PTPRN2: variants seen among roughly 807,000 people sequenced by gnomAD.
PTPRN2 encodes the protein protein tyrosine phosphatase receptor type N2.
Under a neutral mutation model 118.8 loss-of-function variants are expected in PTPRN2, and 74 were observed. The observed-to-expected ratio is 0.62, with a 90% CI of 0.52 to 0.76. PTPRN2 has a LOEUF of 0.76. PTPRN2 is among the 30% of genes least tolerant of loss of function. The pLI is 0.00. For missense variants in PTPRN2, 1,481 were observed against 1,394.4 expected, an observed-to-expected ratio of 1.06 and a Z score of -0.99; for synonymous variants, 641 against 608.0, an observed-to-expected ratio of 1.05 and a Z score of -0.80.
intron 1 of PTPRN2, among the ~76,000 whole-genome samples, chr7:158,568,491 C>G (rs1332440557): frequency 1.3e-5 from 2 of 150,810 alleles, no homozygotes; most frequent in East Asian, 3.9e-4. Context: ...AGTAGATTTT[C>G]TTTTTTTGAA....
At chr7:158,389,131 G>C (rs576891474) in intron 2 of PTPRN2, among the ~76,000 whole-genome samples, 1 of 152,334 alleles carries the variant, frequency 6.6e-6, no homozygotes, top group East Asian at 1.9e-4. Context: ...AGGGAAACAG[G>C]CGTCCGAAGG....
At chr7:158,402,377 T>C (rs1253038096) in intron 2 of PTPRN2, among the ~76,000 whole-genome samples, 2 of 152,058 alleles carry the variant, frequency 1.3e-5, no homozygotes, top group African/African-American at 2.4e-5. Context: ...GCCTCAGAGC[T>C]TCACCTTGAC....
chr7:157,747,956 TGCAGG>T (rs1801108178), intron 12 of PTPRN2, among the ~76,000 whole-genome samples: 2 of 142,836 alleles, frequency 1.4e-5, no homozygotes, highest in Non-Finnish European at 3.0e-5. Flanking sequence ...GTCCCTGAGC[TGCAGG>T]CTGTTGAGGT....
Position 158,015,476 on chromosome 7 carries a change from A to G in PTPRN2, c.1723+65822T>C, listed in dbSNP as rs1806380624. On this transcript the variant is annotated intron_variant, in intron 11 of 22. Transcript: ENST00000389418. The surrounding 1 kb of genome is among the most constrained non-coding windows in gnomAD (Gnocchi z 4.2). ...TGGTGAGAGAGAGAGAGAGAGGAAG[A>G]GAGGGAGAGAGGGAGAGAGGGAGAT... is the stretch of plus-strand genomic sequence containing the variant. Among the ~76,000 whole-genome samples, 1 of 144,098 alleles carries G rather than the reference A, an allele frequency of 6.9e-6. No homozygotes were observed. Among genetic ancestry groups the G allele is most frequent in the Admixed American group, 7.2e-5 (1 of 13,980 alleles). The allele number at this position is 144,098 out of a possible 152,430, so 94.5% of individuals were successfully genotyped here.
Position 158,340,980 on chromosome 7 carries a change from C to T in PTPRN2, c.164-24048G>A, listed in dbSNP as rs1208895315. 1.4e-4 allele frequency among the ~76,000 whole-genome samples: 11 copies of T among 81,066 alleles called. 2 individuals carry two copies. In the Admixed American group the frequency reaches 1.4e-3, roughly 10 times the overall value. The allele number at this position is 81,066 out of a possible 152,430, so 53.2% of individuals were successfully genotyped here. ...CTGACGCCCGCAGATGTCACTCACACCCACACTCTCACCATAAGAGGTGAA... is the reference window on the plus strand; with the variant it reads ...CTGACGCCCGCAGATGTCACTCACATCCACACTCTCACCATAAGAGGTGAA... On this transcript the variant is annotated intron_variant, in intron 2 of 22. Transcript: ENST00000389418.
Position 158,390,998 on chromosome 7 carries a change from C to A in PTPRN2, c.164-74066G>T, listed in dbSNP as rs1378210174. Among the ~76,000 whole-genome samples, 3 of 152,148 alleles carry A rather than the reference C, an allele frequency of 2.0e-5. No individual in the cohort carries two copies. The East Asian group carries it at 5.8e-4, about 29-fold the overall frequency. On this transcript the variant is annotated intron_variant, in intron 2 of 22. Coordinates refer to ENST00000389418, the MANE Select transcript of PTPRN2 (RefSeq NM_002847.5). Reference sequence around the variant, plus strand: ...CCCTCCTGAAATGGTGTGAAACCCACCCCCACCTCCACTAATTCACCACTT... The same window carrying A: ...CCCTCCTGAAATGGTGTGAAACCCAACCCCACCTCCACTAATTCACCACTT...
chr7:158,182,834 T>C (rs185266347), intron 5 of PTPRN2, among the ~76,000 whole-genome samples: 1 of 152,342 alleles, frequency 6.6e-6, no homozygotes, highest in African/African-American at 2.4e-5. Flanking sequence ...ACTAAGTCCA[T>C]TGTTTCCTTG....
At chr7:158,333,588 TCA>T (rs1804945310) in intron 2 of PTPRN2, among the ~76,000 whole-genome samples, 2 of 149,988 alleles carry the variant, frequency 1.3e-5, no homozygotes, top group African/African-American at 2.5e-5. Flanking sequence ...CCGGCACACG[TCA>T]CACACACCCA....
intron 1 of PTPRN2, among the ~76,000 whole-genome samples, chr7:158,537,884 T>C (rs934368858): frequency 1.3e-5 from 2 of 152,292 alleles, no homozygotes; most frequent in Non-Finnish European, 2.9e-5. Flanking sequence ...TTCCTTTCCC[T>C]GTAATATTTG....
intron 2 of PTPRN2, among the ~76,000 whole-genome samples, chr7:158,437,804 A>C (rs553893028): frequency 8.5e-4 from 130 of 152,326 alleles, no homozygotes; most frequent in African/African-American, 3.0e-3. Flanking sequence ...AATTTGGCAA[A>C]TGTGTCAGAG....
rs575045677 is a variant in PTPRN2 at position 157,749,944 on chromosome 7, C to G, written c.1789-67007G>C. 4.1e-4 allele frequency among the ~76,000 whole-genome samples: 61 copies of G among 149,970 alleles called. 2 individuals carry two copies. The highest frequency in any genetic ancestry group is 1.4e-3 in the African/African-American group (55 of 40,654). On this transcript the variant is annotated intron_variant, in intron 12 of 22. Coordinates refer to ENST00000389418, the MANE Select transcript of PTPRN2 (RefSeq NM_002847.5). ...TGAGCTGTGGGGTGTCCGGGTGATTCTGAGGCCTGTGTCCCCGAGCTGTGG... is the reference window on the plus strand; with the variant it reads ...TGAGCTGTGGGGTGTCCGGGTGATTGTGAGGCCTGTGTCCCCGAGCTGTGG...
chr7:158,149,521 C>A (rs924848009), intron 6 of PTPRN2, among the ~76,000 whole-genome samples: 1 of 151,904 alleles, frequency 6.6e-6, no homozygotes, highest in Non-Finnish European at 1.5e-5. Context: ...AAGATAAGCC[C>A]GGCTGGGCGC....
rs151031271 is a variant in PTPRN2, at chr7:158,387,603, G to A, written c.164-70671C>T. ...GCTTGGCCCGGCCAGGCCCGGGGAT[G>A]CAGCTGAAGGCGGAGAGCTGCTGTG... On this transcript the variant is annotated intron_variant, in intron 2 of 22. Coordinates refer to ENST00000389418, the MANE Select transcript of PTPRN2 (RefSeq NM_002847.5). Among the ~76,000 whole-genome samples the A allele has an allele frequency of 0.018, 16 of 876 alleles. No individual in the cohort carries two copies. In the East Asian group the frequency reaches 0.35, roughly 19 times the overall value. 0.6% of individuals were successfully genotyped at this position (876 alleles called of 152,430 possible). A position where few individuals can be genotyped will look rare whatever the true frequency, so the allele number is the denominator to read the frequency against.
intron 18 of PTPRN2, 54 bp from the exon 19 acceptor site, chr7:157,576,833 C>A: frequency 1.3e-5 from 19 of 1,484,556 alleles, no homozygotes; most frequent in Non-Finnish European, 1.6e-5. Context: ...CATTGTGAAC[C>A]GAACCTCAGG....
At position 157,843,816 on chromosome 7, in the gene PTPRN2, C is replaced by A. The variant is rs141832641; in HGVS notation, c.1788+54857G>T. Among the ~76,000 whole-genome samples the A allele has an allele frequency of 2.7e-3, 417 of 152,268 alleles. 1 individual carries two copies. The highest frequency in any genetic ancestry group is 0.01 in the Middle Eastern group (3 of 294). ...ATTATTCCAGGACCAAGGCTTAATG[C>A]GTGGGATGTTAATTTGCTGATAGAA... is the stretch of plus-strand genomic sequence containing the variant. On this transcript the variant is annotated intron_variant, in intron 12 of 22. Transcript: ENST00000389418.
rs1166314430 is a variant in PTPRN2 at position 158,071,373 on chromosome 7, G to A, written c.1723+9925C>T. 2.3e-3 allele frequency among the ~76,000 whole-genome samples: 242 copies of A among 106,420 alleles called. 5 individuals are homozygous for A. The highest frequency in any genetic ancestry group is 5.2e-3 in the Middle Eastern group (1 of 192). 69.8% of individuals were successfully genotyped at this position (106,420 alleles called of 152,430 possible). On this transcript the variant is annotated intron_variant, in intron 11 of 22. Transcript: ENST00000389418. The stretch of plus-strand genomic sequence containing the variant: ...CGTGGTGGTGGAGGTGCTCATGGTG[G>A]TGGAGGTGCTCGTGGTGGAGGTGCT...
chr7:157,786,431 C>T (rs1002189096), intron 12 of PTPRN2, among the ~76,000 whole-genome samples: 13 of 152,242 alleles, frequency 8.5e-5, no homozygotes, highest in African/African-American at 3.1e-4. Context: ...GAGGTGGGCT[C>T]ATTTGCTGTG....
intron 2 of PTPRN2, among the ~76,000 whole-genome samples, chr7:158,439,047 A>G (rs1816781808): frequency 6.6e-6 from 1 of 152,192 alleles, no homozygotes; most frequent in African/African-American, 2.4e-5. Flanking sequence ...ATTCACTGGA[A>G]GGCTGGTCAA....
At chr7:158,582,908 G>GTGA (rs1828709022) in intron 1 of PTPRN2, among the ~76,000 whole-genome samples, 1 of 152,022 alleles carries the variant, frequency 6.6e-6, no homozygotes, top group Admixed American at 6.6e-5. Flanking sequence ...ATTAGTTTGG[G>GTGA]TGATGTTTGG....
Sources: allele counts gnomAD v4.1 joint callset (sites outside exome capture counted in the v4.1 genomes callset), GRCh38; gene constraint gnomAD v4.1.1; non-coding constraint Gnocchi (gnomAD v3.1); transcripts MANE v1.5; gene names NCBI Gene and HGNC (gene_info 2026-07-23, HGNC 2026-07-21).